Variants in PTPRD observed in about 807,000 individuals in gnomAD.
PTPRD encodes the protein receptor-type tyrosine-protein phosphatase delta.
Under a neutral mutation model 214.5 loss-of-function variants are expected in PTPRD, and 34 were observed. The observed-to-expected ratio is 0.16, with a 90% confidence interval of 0.12 to 0.21. The LOEUF is 0.21. Among genes scored for constraint, PTPRD ranks in the 10% least tolerant of loss-of-function variants. PTPRD has a pLI of 1.00. For synonymous variants in PTPRD, 1,128 were observed against 845.7 expected (o/e 1.33, Z -5.79); for missense variants, 2,545 against 2,398.7 (o/e 1.06, Z -1.27).
At chr9:8,704,794 G>C (rs1318534371) in intron 12 of PTPRD, among the ~76,000 whole-genome samples, 1 of 151,628 alleles carries the variant, frequency 6.6e-6, no homozygotes, top group Non-Finnish European at 1.5e-5. Flanking sequence ...GGTGGTGTGT[G>C]CACCTGTAAT....
intron 9 of PTPRD, among the ~76,000 whole-genome samples, chr9:9,240,286 A>G (rs959159247): frequency 4.6e-5 from 7 of 152,212 alleles, no homozygotes; most frequent in Middle Eastern, 3.2e-3. Context: ...CACATTAATT[A>G]CTAGTCATTG....
At position 8,353,421 on chromosome 9, in the gene PTPRD, A is replaced by T. The variant is rs570666847; in HGVS notation, c.4662-11443T>A. ...ATGCCTATTTATTTATTTATTTATG[A>T]ATGTATGAATGAATGAATGAATGAA... On this transcript the variant is annotated intron_variant, in intron 39 of 45. Coordinates refer to ENST00000381196, the MANE Select transcript of PTPRD (RefSeq NM_002839.4). Among the ~76,000 whole-genome samples, 125 of 109,912 alleles carry T rather than the reference A, an allele frequency of 1.1e-3. 1 individual carries two copies. Among genetic ancestry groups the T allele is most frequent in the African/African-American group, 2.9e-3 (115 of 39,064 alleles). The allele number at this position is 109,912 out of a possible 152,430, so 72.1% of individuals were successfully genotyped here.
intron 11 of PTPRD, among the ~76,000 whole-genome samples, chr9:8,991,494 A>C (rs1270826870): frequency 6.6e-6 from 1 of 152,052 alleles, no homozygotes; most frequent in South Asian, 2.1e-4. Context: ...TTTATTGAGG[A>C]CTTGTTTAGC....
chr9:10,239,805 C>G (rs896966250), intron 3 of PTPRD, among the ~76,000 whole-genome samples: 2 of 151,916 alleles, frequency 1.3e-5, no homozygotes, highest in Non-Finnish European at 2.9e-5. Flanking sequence ...CAGTTTCTCT[C>G]TGATCTTCTC....
At chr9:9,997,790 T>C (rs567714740) in intron 4 of PTPRD, among the ~76,000 whole-genome samples, 6 of 152,170 alleles carry the variant, frequency 3.9e-5, no homozygotes, top group African/African-American at 1.2e-4. Flanking sequence ...GCACCCAACA[T>C]GGCCAACATG....
chr9:9,384,431 A>G (rs1596828794), intron 9 of PTPRD, among the ~76,000 whole-genome samples: 1 of 134,982 alleles, frequency 7.4e-6, no homozygotes, highest in East Asian at 2.2e-4. Context: ...ATGTAGAAAC[A>G]TCATTTTTGT....
At chr9:10,380,139 T>C (rs1423994405) in intron 2 of PTPRD, among the ~76,000 whole-genome samples, 1 of 152,064 alleles carries the variant, frequency 6.6e-6, no homozygotes, top group African/African-American at 2.4e-5. Context: ...TTTCTTTTGA[T>C]AAAGCTATTT....
intron 12 of PTPRD, among the ~76,000 whole-genome samples, chr9:8,695,778 C>T (rs145435801): frequency 2.3e-3 from 351 of 152,286 alleles, no homozygotes; most frequent in African/African-American, 8.0e-3. Context: ...GGGATGCTCC[C>T]TACTTAAGAA....
At chr9:8,899,441 G>A (rs556870778) in intron 11 of PTPRD, among the ~76,000 whole-genome samples, 50 of 152,234 alleles carry the variant, frequency 3.3e-4, no homozygotes, top group African/African-American at 4.8e-4. Context: ...ACTAGAGATC[G>A]GCATATCTCC....
chr9:8,533,425 GTCAATTACA>G (rs776101372), intron 14 of PTPRD, among the ~76,000 whole-genome samples: 3 of 152,004 alleles, frequency 2.0e-5, no homozygotes, highest in Non-Finnish European at 4.4e-5. Flanking sequence ...GAAAAAGCGT[GTCAATTACA>G]TCAATTACAT....
intron 2 of PTPRD, among the ~76,000 whole-genome samples, chr9:10,361,661 A>G (rs1370173515): frequency 6.6e-6 from 1 of 152,160 alleles, no homozygotes; most frequent in African/African-American, 2.4e-5. Context: ...CTATGTCAAA[A>G]TCTCTATTAG....
chr9:9,651,723 T>C (rs966180346), intron 7 of PTPRD, among the ~76,000 whole-genome samples: 1 of 151,830 alleles, frequency 6.6e-6, no homozygotes, highest in African/African-American at 2.4e-5. Flanking sequence ...TGTGTCTTTA[T>C]AATAGAATGA....
intron 12 of PTPRD, among the ~76,000 whole-genome samples, chr9:8,693,111 T>TG (rs540211633): frequency 2.6e-5 from 4 of 152,224 alleles, no homozygotes; most frequent in Admixed American, 6.5e-5. Flanking sequence ...CCGGGAGTTT[T>TG]GGGGATACTT....
chr9:9,052,209 A>G (rs72694925), intron 10 of PTPRD, among the ~76,000 whole-genome samples: 9,488 of 152,194 alleles, frequency 0.062, 338 homozygotes, highest in Middle Eastern at 0.075. Context: ...TTTTATTAGG[A>G]TACAATCCAT....
At chr9:9,989,016 C>CA (rs397836899) in intron 4 of PTPRD, among the ~76,000 whole-genome samples, 7,082 of 36,160 alleles carry the variant, frequency 0.2, 2,191 homozygotes, top group Middle Eastern at 0.32. Flanking sequence ...TTTCACTGAC[C>CA]AAAAAAAAAA....
intron 21 of PTPRD, 134 bp from the exon 22 acceptor site, chr9:8,507,568 A>G: frequency 1.9e-6 from 2 of 1,057,372 alleles, no homozygotes; most frequent in Admixed American, 4.5e-5. Context: ...AAGCTCCTTT[A>G]CCTTGTCCAA....
chr9:9,565,811 T>C (rs897703739), intron 8 of PTPRD, among the ~76,000 whole-genome samples: 1 of 151,920 alleles, frequency 6.6e-6, no homozygotes, highest in Admixed American at 6.6e-5. Context: ...TCCTAGGATT[T>C]TGAAGAATTT....
intron 7 of PTPRD, among the ~76,000 whole-genome samples, chr9:9,623,720 G>A (rs1383006289): frequency 6.6e-6 from 1 of 152,166 alleles, no homozygotes; most frequent in African/African-American, 2.4e-5. Context: ...TTCCATCCCA[G>A]ATTTGCTGAA....
At chr9:8,574,041 G>C (rs779712801) in intron 14 of PTPRD, among the ~76,000 whole-genome samples, 12 of 151,830 alleles carry the variant, frequency 7.9e-5, no homozygotes, top group Non-Finnish European at 1.3e-4. Flanking sequence ...TTCCTCCTCA[G>C]TACAAAACCA....
Sources: allele counts gnomAD v4.1 joint callset (sites outside exome capture counted in the v4.1 genomes callset), GRCh38; gene constraint gnomAD v4.1.1; transcripts MANE v1.5; gene names NCBI Gene and HGNC (gene_info 2026-07-23, HGNC 2026-07-21).